Variants in CADPS observed in about 807,000 individuals in gnomAD.
The protein encoded by CADPS is calcium-dependent secretion activator 1.
A neutral mutation model predicts 167.3 loss-of-function variants in CADPS; 57 were observed. That is an observed-to-expected ratio of 0.34 (90% CI 0.28 to 0.42). CADPS has a LOEUF of 0.42. Ranked by LOEUF, CADPS falls within the 20% of genes least tolerant of loss-of-function variation. The probability of loss-of-function intolerance (pLI) is 1.00; values close to 1 mark genes in which losing one functional copy is unlikely to be tolerated. For missense variants in CADPS, 1,414 were observed against 1,738.1 expected (o/e 0.81, Z 3.32); for synonymous variants, 676 against 635.3 (o/e 1.06, Z -0.96).
intron 1 of CADPS, among the ~76,000 whole-genome samples, chr3:62,845,672 C>T (rs1304585535): frequency 1.3e-5 from 2 of 152,148 alleles, no homozygotes; most frequent in Non-Finnish European, 2.9e-5. Flanking sequence ...TTCTTTTAAT[C>T]TATCAATTTA....
At chr3:62,767,287 A>G (rs2152513657) in intron 1 of CADPS, among the ~76,000 whole-genome samples, 1 of 152,254 alleles carries the variant, frequency 6.6e-6, no homozygotes, top group East Asian at 1.9e-4. Context: ...TCATCTGGAA[A>G]AAGCGACTTA....
chr3:62,478,498 T>C lies in CADPS; in HGVS notation c.3174-82A>G, dbSNP rs923340344. ...AACTAACACAGAGACAACTGGGGGC[T>C]AGAAGGCAAACAGCAGCTTCAACAT... On this transcript the variant is annotated intron_variant, in intron 22 of 29. Transcript: ENST00000383710. This position sits in a 1 kb window ranked among gnomAD's most constrained non-coding sequence, Gnocchi z 5.7. The C allele has an allele frequency of 2.3e-5, 31 of 1,354,024 alleles. 1 individual carries two copies. In the South Asian group the frequency reaches 4.0e-4, roughly 17 times the overall value. 83.9% of individuals were successfully genotyped at this position (1,354,024 alleles called of 1,614,324 possible). A position where few individuals can be genotyped will look rare whatever the true frequency, so the allele number is the denominator to read the frequency against.
At chr3:62,524,833 T>G (rs1251986121) in intron 13 of CADPS, among the ~76,000 whole-genome samples, 1 of 152,158 alleles carries the variant, frequency 6.6e-6, no homozygotes, top group African/African-American at 2.4e-5. Flanking sequence ...CAGGAAAGCA[T>G]GCATTTTACC....
chr3:62,526,543 C>G (rs981229353), intron 13 of CADPS, among the ~76,000 whole-genome samples: 1 of 152,038 alleles, frequency 6.6e-6, no homozygotes, highest in South Asian at 2.1e-4. Flanking sequence ...GGATAGTGAC[C>G]AAAGTGATGC....
At chr3:62,475,584 GAAAAAAAAAAAAAAAAA>G (rs34263556) in intron 23 of CADPS, among the ~76,000 whole-genome samples, 1 of 55,950 alleles carries the variant, frequency 1.8e-5, no homozygotes, top group East Asian at 6.9e-4. Context: ...CAGTTCTTAA[GAAAAAAAAAAAAAAAAA>G]AAAAAAAAAA....
At chr3:62,696,049 C>T (rs534854342) in intron 3 of CADPS, among the ~76,000 whole-genome samples, 61 of 152,222 alleles carry the variant, frequency 4.0e-4, no homozygotes, top group African/African-American at 1.4e-3. Context: ...TTCAGGGGGC[C>T]AAGGGCCTTG....
chr3:62,562,341 T>C (rs1318397180), intron 9 of CADPS, among the ~76,000 whole-genome samples: 1 of 152,176 alleles, frequency 6.6e-6, no homozygotes, highest in East Asian at 1.9e-4. Flanking sequence ...AGAAGGAGAA[T>C]AGATTTTAGA....
intron 11 of CADPS, among the ~76,000 whole-genome samples, chr3:62,542,903 T>G (rs1467778796): frequency 6.6e-6 from 1 of 152,210 alleles, no homozygotes; most frequent in East Asian, 1.9e-4. Context: ...TGTAGTTATA[T>G]TAACTTACAG....
chr3:62,705,421 G>A (rs1305072970), intron 3 of CADPS, among the ~76,000 whole-genome samples: 1 of 152,084 alleles, frequency 6.6e-6, no homozygotes, highest in East Asian at 1.9e-4. Flanking sequence ...GGTTAATATT[G>A]AGTGTCAACT....
At chr3:62,417,274 CTCTTTT>C (rs1560097333) in intron 28 of CADPS, among the ~76,000 whole-genome samples, 4 of 92,286 alleles carry the variant, frequency 4.3e-5, no homozygotes, top group Non-Finnish European at 8.7e-5. Context: ...TTTTCTTTTA[CTCTTTT>C]TTTTTTTTTT....
chr3:62,636,977 G>A (rs1026874071), intron 6 of CADPS, among the ~76,000 whole-genome samples: 1 of 152,142 alleles, frequency 6.6e-6, no homozygotes, highest in Admixed American at 6.6e-5. Flanking sequence ...GTGTGGAGTT[G>A]TAGGATTTGG....
At chr3:62,812,185 A>G (rs2094423257) in intron 1 of CADPS, among the ~76,000 whole-genome samples, 1 of 152,264 alleles carries the variant, frequency 6.6e-6, no homozygotes, top group South Asian at 2.1e-4. Context: ...AACATATGAT[A>G]TTTATTTTTG....
chr3:62,812,241 C>A (rs1479075655), intron 1 of CADPS, among the ~76,000 whole-genome samples: 1 of 152,050 alleles, frequency 6.6e-6, no homozygotes, highest in African/African-American at 2.4e-5. Context: ...ATATACTTTC[C>A]TGCATGTGTA....
intron 3 of CADPS, among the ~76,000 whole-genome samples, chr3:62,738,408 C>A (rs968333576): frequency 8.8e-5 from 13 of 147,230 alleles, no homozygotes; most frequent in Admixed American, 8.2e-4. Flanking sequence ...AATCTCTGAA[C>A]AACAAAAATA....
chr3:62,539,442 A>C (rs904600126), intron 11 of CADPS, among the ~76,000 whole-genome samples: 1 of 152,044 alleles, frequency 6.6e-6, no homozygotes, highest in African/African-American at 2.4e-5. Context: ...CCCACAACTC[A>C]AGAGCGCTTA....
chr3:62,437,584 G>C (rs1007718777), intron 28 of CADPS, among the ~76,000 whole-genome samples: 1 of 152,070 alleles, frequency 6.6e-6, no homozygotes, highest in African/African-American at 2.4e-5. Context: ...CAACTCTAAT[G>C]TAAGTGTTTG....
intron 3 of CADPS, among the ~76,000 whole-genome samples, chr3:62,681,362 C>T (rs150269529): frequency 2.6e-5 from 4 of 152,162 alleles, no homozygotes; most frequent in Non-Finnish European, 5.9e-5. Flanking sequence ...ACCTCTGTTT[C>T]TCCATTAGGG....
At chr3:62,550,547 G>A (rs1331068866) in intron 10 of CADPS, among the ~76,000 whole-genome samples, 4 of 152,104 alleles carry the variant, frequency 2.6e-5, no homozygotes, top group African/African-American at 9.6e-5. Context: ...GTACCCATAC[G>A]AACCCCCTGG....
intron 17 of CADPS, among the ~76,000 whole-genome samples, chr3:62,507,764 A>G (rs1192481507): frequency 5.9e-5 from 9 of 152,156 alleles, no homozygotes; most frequent in Non-Finnish European, 1.3e-4. Flanking sequence ...CTGTTTTATG[A>G]TTCATTTCTG....
Sources: allele counts gnomAD v4.1 joint callset (sites outside exome capture counted in the v4.1 genomes callset), GRCh38; gene constraint gnomAD v4.1.1; non-coding constraint Gnocchi (gnomAD v3.1); transcripts MANE v1.5; gene names NCBI Gene and HGNC (gene_info 2026-07-23, HGNC 2026-07-21).